MYO5C: variants seen among roughly 807,000 people sequenced by gnomAD.
MYO5C encodes the protein myosin VC.
MYO5C carries 194 observed loss-of-function variants against 235.7 expected under a neutral mutation model. The observed-to-expected ratio is 0.82, with a 90% confidence interval of 0.73 to 0.93. The LOEUF is 0.93. Ranked by LOEUF, MYO5C falls within the 40% of genes least tolerant of loss-of-function variation. The pLI, the probability that MYO5C is intolerant of heterozygous loss-of-function variation, is 0.00. For missense variants in MYO5C, 2,038 were observed against 2,127.2 expected (o/e 0.96, Z 0.82); for synonymous variants, 707 against 754.8 (o/e 0.94, Z 1.04).
chr15:52,253,289 G>GA (rs1204271763), intron 12 of MYO5C, 28 bp downstream of exon 12: 3 of 1,594,250 alleles, frequency 1.9e-6, no homozygotes, highest in African/African-American at 2.7e-5. Flanking sequence ...CTTAAAAGCT[G>GA]AAAAAAACAA....
intron 32 of MYO5C, among the ~76,000 whole-genome samples, chr15:52,214,946 C>G (rs2141278650): frequency 6.6e-6 from 1 of 152,310 alleles, no homozygotes; most frequent in East Asian, 1.9e-4. Context: ...CTTCCAGCAC[C>G]TGGCAACCAC....
chr15:52,295,619 C>G lies in MYO5C; in HGVS notation c.18G>C (p.Leu6=). Residue 6 remains leucine (L), a synonymous_variant, in exon 1 of 41, where the codon CTG becomes CTC. Transcript: ENST00000261839. MAVAE[L]YTQYNRVWIP... ...CAGCGGACCCTCCTACCTGCGTGTA[C>G]AGCTCGGCCACCGCCATGGGCAGGA... The G allele has an allele frequency of 6.7e-7, 1 of 1,488,372 alleles. No individual in the cohort carries two copies. The allele number at this position is 1,488,372 out of a possible 1,614,324, so 92.2% of individuals were successfully genotyped here. A position where few individuals can be genotyped will look rare whatever the true frequency, so the allele number is the denominator to read the frequency against.
intron 21 of MYO5C, 117 bp downstream of exon 21, chr15:52,239,616 T>C (rs17707007): frequency 0.022 from 24,684 of 1,118,770 alleles, 645 homozygotes; most frequent in African/African-American, 0.1. Context: ...GTGGTCCACG[T>C]AAACTGAACC....
At chr15:52,285,193 C>G (rs970870372) in intron 1 of MYO5C, among the ~76,000 whole-genome samples, 1 of 152,124 alleles carries the variant, frequency 6.6e-6, no homozygotes, top group African/African-American at 2.4e-5. Flanking sequence ...CATGGTGAAA[C>G]CCTGTCTCTA....
chr15:52,198,707 G>A (rs1311005530), intron 38 of MYO5C, among the ~76,000 whole-genome samples: 3 of 151,636 alleles, frequency 2.0e-5, no homozygotes, highest in African/African-American at 7.3e-5. Context: ...TCAGCCTCCC[G>A]AGTAGGTGGG....
chr15:52,245,325 C>T, intron 18 of MYO5C, 29 bp downstream of exon 18: 1 of 1,423,730 alleles, frequency 7.0e-7, no homozygotes, highest in Non-Finnish European at 9.9e-7. Flanking sequence ...AGGAAGGAGA[C>T]CATGATCCCA....
intron 9 of MYO5C, among the ~76,000 whole-genome samples, chr15:52,262,108 G>T (rs945822499): frequency 5.9e-5 from 9 of 152,272 alleles, no homozygotes; most frequent in African/African-American, 2.2e-4. Flanking sequence ...AACCTTCTGA[G>T]TCAAAAACAA....
At position 52,232,326 on chromosome 15, in the gene MYO5C, A is replaced by G. The variant is rs74527464; in HGVS notation, c.3026+296T>C. ...GAAGGAAGGAAGGAGAGAAGGAAGG[A>G]AGGAGAGAAAGAAAGAAGAGAAAGA... On this transcript the variant is annotated intron_variant, in intron 24 of 40. Coordinates refer to ENST00000261839, the MANE Select transcript of MYO5C (RefSeq NM_018728.4). 0.013 allele frequency among the ~76,000 whole-genome samples: 1,504 copies of G among 119,530 alleles called. 492 individuals carry two copies. The East Asian group carries it at 0.15, about 12-fold the overall frequency. 78.4% of individuals were successfully genotyped at this position (119,530 alleles called of 152,430 possible). A position where few individuals can be genotyped will look rare whatever the true frequency, so the allele number is the denominator to read the frequency against.
intron 36 of MYO5C, among the ~76,000 whole-genome samples, chr15:52,208,114 G>C (rs962307271): frequency 2.6e-5 from 4 of 152,168 alleles, no homozygotes; most frequent in Non-Finnish European, 5.9e-5. Context: ...TTCTCTGTGA[G>C]TACTTGAAGG....
intron 37 of MYO5C, 44 bp from the exon 38 acceptor site, chr15:52,205,191 A>T: frequency 1.3e-6 from 2 of 1,597,718 alleles, no homozygotes. Flanking sequence ...CAGGAGACAC[A>T]CGCGGAACGT....
chr15:52,281,556 G>A (rs2140860287), intron 2 of MYO5C, among the ~76,000 whole-genome samples: 1 of 152,332 alleles, frequency 6.6e-6, no homozygotes, highest in Middle Eastern at 3.4e-3. Context: ...CGGGGAGCAG[G>A]AGCCTCTTCC....
rs776867852 is a variant in MYO5C at position 52,245,969 on chromosome 15, T to C, written c.2053A>G (p.Ser685Gly). Residue 685 changes from serine to glycine, a missense_variant, in exon 17 of 41, where the codon AGC (serine) becomes GGC (glycine). Ser to Gly is a moderately conservative substitution (Grantham distance 56, BLOSUM62 0). Transcript: ENST00000261839. ...CGGACAACATACCTGGAAGGGTAGC[T>C]CTGTGCACTAATGCGAATCGTTTCT... is the stretch of plus-strand genomic sequence containing the variant. ...VLETIRISAQ[S>G]YPSRWTYIEF... 4 of 1,614,068 alleles carry C rather than the reference T, an allele frequency of 2.5e-6. No homozygotes were observed. In the African/African-American group the frequency reaches 5.3e-5, roughly 22 times the overall value.
chr15:52,221,244 G>T lies in MYO5C; in HGVS notation c.3639C>A (p.Asp1213Glu). The change falls in exon 30 of 41, where the codon GAC becomes GAA. Residue 1213 changes from aspartate (D) to glutamate (E), a missense_variant. Asp to Glu is a conservative substitution (Grantham distance 45). Transcript: ENST00000261839. ...CCAATTCTGAAATTTGCTGTTTAAA[G>T]TCTGGGATCATCTTTAGAGAAGAAT... ...RLTSENMMIP[D>E]FKQQISELEK... The T allele has an allele frequency of 1.2e-6, 2 of 1,607,970 alleles. No individual in the cohort carries two copies. The highest frequency in any genetic ancestry group is 1.7e-6 in the Non-Finnish European group (2 of 1,176,370).
chr15:52,232,700 T>C lies in MYO5C; in HGVS notation c.2963-15A>G. ...GTCCATTTTTTCTGTAAAAAGAGAA[T>C]GCTTTTTGAGATATGTCTGCCAAAT... On this transcript the variant is annotated splice_polypyrimidine_tract_variant and intron_variant, in intron 23 of 40. Transcript: ENST00000261839. 1 of 1,611,228 alleles carries C rather than the reference T, an allele frequency of 6.2e-7. No individual in the cohort carries two copies. Among genetic ancestry groups the C allele is most frequent in the Non-Finnish European group, 8.5e-7 (1 of 1,177,576 alleles).
rs889170296 is a variant in MYO5C, at chr15:52,248,691, T to C, written c.1746+9A>G. The C allele has an allele frequency of 2.5e-6, 4 of 1,609,050 alleles. No homozygotes were observed. Among genetic ancestry groups the C allele is most frequent in the Non-Finnish European group, 1.7e-6 (2 of 1,175,490 alleles). On this transcript the variant is annotated intron_variant, in intron 14 of 40. Coordinates refer to ENST00000261839, the MANE Select transcript of MYO5C (RefSeq NM_018728.4). ...TAATAACTTTAGTTACCCCTAGGAC[T>C]TTACAGACCTTGCTTGCTCTCAGGA...
At position 52,204,856 on chromosome 15, in the gene MYO5C, G is replaced by C; in HGVS notation, c.4820+9C>G. ...CCTCTCCGCGTGAGCGGAGGTTTCT[G>C]GGTTTTACCTGATCTGCATCCCTTT... On this transcript the variant is annotated intron_variant, in intron 38 of 40. Transcript: ENST00000261839. 6.2e-7 allele frequency: 1 copy of C among 1,612,896 alleles called. No individual in the cohort carries two copies. The highest frequency in any genetic ancestry group is 8.5e-7 in the Non-Finnish European group (1 of 1,179,562).
Position 52,213,208 on chromosome 15 carries a change from A to G in MYO5C, c.4121T>C (p.Leu1374Pro). The change falls in exon 34 of 41, where the codon CTC becomes CCC. Residue 1374 changes from leucine to proline, a missense_variant. Leu to Pro is a moderately conservative substitution (Grantham distance 98, BLOSUM62 -3). Coordinates refer to ENST00000261839, the MANE Select transcript of MYO5C (RefSeq NM_018728.4). Reference protein sequence around the residue: ...LQYKREDEAKLIQNLILDLKP... With the variant: ...LQYKREDEAKPIQNLILDLKP... Reference sequence around the variant, plus strand: ...ACTACCAAGAATGAGGTTCTGAATGAGCTTGGCCTCGTCTTCTCTCTTGTA... The same window carrying G: ...ACTACCAAGAATGAGGTTCTGAATGGGCTTGGCCTCGTCTTCTCTCTTGTA... 3 of 1,614,072 alleles carry G rather than the reference A, an allele frequency of 1.9e-6. No homozygotes were observed. Among genetic ancestry groups the G allele is most frequent in the Non-Finnish European group, 2.5e-6 (3 of 1,179,944 alleles).
intron 8 of MYO5C, among the ~76,000 whole-genome samples, chr15:52,265,696 G>A (rs551599313): frequency 9.2e-5 from 14 of 152,016 alleles, no homozygotes; most frequent in African/African-American, 3.1e-4. Context: ...GCGCCACCAC[G>A]CCCAGCTAAT....
In MYO5C at chr15:52,269,746, C is replaced by T; in HGVS notation, c.940+7G>A. On this transcript the variant is annotated splice_region_variant and intron_variant, in intron 8 of 40. Transcript: ENST00000261839. ...GCTACATACTTGGATGGGATATTTT[C>T]CCTTACCCAGAAGCGTGAAGGTCTT... The T allele has an allele frequency of 6.3e-7, 1 of 1,585,498 alleles. No individual in the cohort carries two copies. Among genetic ancestry groups the T allele is most frequent in the Non-Finnish European group, 8.6e-7 (1 of 1,157,126 alleles).
Sources: gnomAD v4.1 joint callset for allele counts (sites outside exome capture counted in the v4.1 genomes callset) on GRCh38, gnomAD v4.1.1 for gene constraint, MANE v1.5 for transcripts, NCBI Gene and HGNC (gene_info 2026-07-23, HGNC 2026-07-21) for gene names.